USP15: variants seen among roughly 807,000 people sequenced by gnomAD.
The protein encoded by USP15 is ubiquitin specific peptidase 15.
A neutral mutation model predicts 127.1 loss-of-function variants in USP15; 18 were observed. The ratio of observed to expected loss-of-function variants is 0.14; its 90% CI spans 0.10 to 0.21. The LOEUF (loss-of-function observed/expected upper bound fraction) is 0.21. USP15 is among the 10% of genes least tolerant of loss of function. USP15 has a pLI of 1.00. For missense variants in USP15, 805 were observed against 1,159.9 expected, an observed-to-expected ratio of 0.69 and a Z score of 4.44; for synonymous variants, 364 against 393.7, an observed-to-expected ratio of 0.92 and a Z score of 0.89.
In USP15 at chr12:62,389,808, A is replaced by G. The variant is rs768861159; in HGVS notation, c.1664A>G (p.Asn555Ser). 6.8e-6 allele frequency: 11 copies of G among 1,609,214 alleles called. No individual in the cohort carries two copies. Among genetic ancestry groups the G allele is most frequent in the African/African-American group, 1.3e-5 (1 of 74,836 alleles). Residue 555 changes from asparagine (N) to serine (S), a missense_variant, in exon 14 of 22, where the codon AAC becomes AGC. Around this residue, in one of 11 missense-constraint regions of USP15, gnomAD observed 82 missense variants for 104.4 expected, o/e 0.79. Coordinates refer to ENST00000280377, the MANE Select transcript of USP15 (RefSeq NM_001252078.2). ...TTTTGTCCTTGTAGGTTTGAAATTA[A>G]CATCAATAGGACAGAAGATACAGAG... is the stretch of plus-strand genomic sequence containing the variant. ...ERDDIYVFEININRTEDTEHV... is the reference protein window; with the variant it reads ...ERDDIYVFEISINRTEDTEHV...
chr12:62,338,855 C>T (rs924582022), intron 6 of USP15, among the ~76,000 whole-genome samples: 4 of 152,234 alleles, frequency 2.6e-5, no homozygotes, highest in Non-Finnish European at 4.4e-5. Flanking sequence ...CAGTACCATG[C>T]TGTTTTGGTT....
intron 8 of USP15, among the ~76,000 whole-genome samples, chr12:62,361,853 G>T (rs2066328722): frequency 6.6e-6 from 1 of 151,982 alleles, no homozygotes; most frequent in Non-Finnish European, 1.5e-5. Context: ...ATTCTGGGCA[G>T]GGGAGAGGGT....
intron 3 of USP15, among the ~76,000 whole-genome samples, chr12:62,304,058 TA>T (rs2064403746): frequency 6.6e-6 from 1 of 151,382 alleles, no homozygotes; most frequent in East Asian, 1.9e-4. Flanking sequence ...CTAAAGGTAT[TA>T]CACTGTATTC....
At chr12:62,338,404 A>T (rs2065543416) in intron 6 of USP15, among the ~76,000 whole-genome samples, 2 of 152,094 alleles carry the variant, frequency 1.3e-5, no homozygotes, top group African/African-American at 4.8e-5. Flanking sequence ...AGATTGCAGA[A>T]ATTTTCTCCC....
intron 8 of USP15, among the ~76,000 whole-genome samples, chr12:62,373,437 G>A (rs1452522034): frequency 6.6e-6 from 1 of 151,922 alleles, no homozygotes; most frequent in Non-Finnish European, 1.5e-5. Flanking sequence ...TTTCAAAGAA[G>A]GGACAACAGT....
Position 62,389,631 on chromosome 12 carries a change from T to C in USP15, c.1584T>C (p.His528=). The change falls in exon 13 of 22, where the codon CAT becomes CAC. Residue 528 remains histidine, a synonymous_variant. Coordinates refer to ENST00000280377, the MANE Select transcript of USP15 (RefSeq NM_001252078.2). Reference sequence around the variant, plus strand: ...TGATAGTTACTGATATATACAATCATAGATTTCACAGAATATTCGCTATGG... The same window carrying C: ...TGATAGTTACTGATATATACAATCACAGATTTCACAGAATATTCGCTATGG... ...DKMIVTDIYN[H]RFHRIFAMDE... 1 of 1,613,350 alleles carries C rather than the reference T, an allele frequency of 6.2e-7. No individual in the cohort carries two copies. Among genetic ancestry groups the C allele is most frequent in the African/African-American group, 1.3e-5 (1 of 75,026 alleles).
At chr12:62,345,936 C>T (rs562094754) in intron 6 of USP15, among the ~76,000 whole-genome samples, 52 of 152,262 alleles carry the variant, frequency 3.4e-4, no homozygotes, top group Admixed American at 9.1e-4. Flanking sequence ...AATCATTTCC[C>T]ACCAGGACCC....
chr12:62,412,984 A>C lies in USP15; in HGVS notation c.*8609A>C, dbSNP rs1366709451. ...ATCTATGAAAGCTTTTGCCTTATAA[A>C]ATGTATTTCTTGGATGATAAGACTT... On this transcript the variant is annotated 3_prime_UTR_variant, in exon 22 of 22. Transcript: ENST00000280377. 6.6e-6 allele frequency: 1 copy of C among 152,184 alleles called. No individual in the cohort carries two copies. The highest frequency in any genetic ancestry group is 1.5e-5 in the Non-Finnish European group (1 of 68,034). 9.4% of individuals were successfully genotyped at this position (152,184 alleles called of 1,614,324 possible).
At chr12:62,383,812 T>A (rs371653669) in intron 9 of USP15, 28 bp from the exon 10 acceptor site, 3 of 1,603,978 alleles carry the variant, frequency 1.9e-6, no homozygotes, top group Non-Finnish European at 2.6e-6. Context: ...TTCCTAGAAC[T>A]GATTTGATGG....
chr12:62,325,962 T>G (rs766407989), intron 6 of USP15, 29 bp downstream of exon 6: 1 of 1,586,986 alleles, frequency 6.3e-7, no homozygotes, highest in East Asian at 2.3e-5. Flanking sequence ...TATGGCTTAT[T>G]GTATGATTTT....
intron 11 of USP15, among the ~76,000 whole-genome samples, chr12:62,388,705 T>C (rs913613300): frequency 2.0e-5 from 3 of 152,120 alleles, no homozygotes; most frequent in African/African-American, 7.2e-5. Flanking sequence ...TAGAAGACAG[T>C]AGGGAGCTGG....
chr12:62,310,629 A>G (rs188400205), intron 3 of USP15, among the ~76,000 whole-genome samples: 2 of 151,616 alleles, frequency 1.3e-5, no homozygotes, highest in Admixed American at 1.3e-4. Flanking sequence ...CCATTCATCC[A>G]TTGATGAGCA....
At chr12:62,290,840 A>G (rs890674173) in intron 1 of USP15, among the ~76,000 whole-genome samples, 2 of 152,126 alleles carry the variant, frequency 1.3e-5, no homozygotes, top group African/African-American at 2.4e-5. Flanking sequence ...TTTTTCTAGG[A>G]AAGACTTTAT....
chr12:62,301,962 T>G (rs1478029060), intron 2 of USP15, among the ~76,000 whole-genome samples: 1 of 152,208 alleles, frequency 6.6e-6, no homozygotes, highest in Non-Finnish European at 1.5e-5. Context: ...AGTCTCAGAT[T>G]AGGACTGTGA....
intron 1 of USP15, among the ~76,000 whole-genome samples, chr12:62,266,259 T>A (rs1295965286): frequency 6.6e-6 from 1 of 152,218 alleles, no homozygotes; most frequent in Non-Finnish European, 1.5e-5. Flanking sequence ...TAGTAAGATC[T>A]TGTAGGCTAT....
At chr12:62,293,356 G>A (rs1191232432) in intron 1 of USP15, among the ~76,000 whole-genome samples, 1 of 151,962 alleles carries the variant, frequency 6.6e-6, no homozygotes, top group Non-Finnish European at 1.5e-5. Flanking sequence ...TTATGTGTTT[G>A]TAATTTTGGT....
rs1215119097 is a variant in USP15 at position 62,401,177 on chromosome 12, T to C, written c.2675-10T>C. On this transcript the variant is annotated splice_polypyrimidine_tract_variant and intron_variant, in intron 20 of 21. Coordinates refer to ENST00000280377, the MANE Select transcript of USP15 (RefSeq NM_001252078.2). ...CATTTTCGTCACAGTGATTATATTT[T>C]TTTCATTAGATACTGCTTTTGCAAA... The C allele has an allele frequency of 6.2e-7, 1 of 1,601,824 alleles. No homozygotes were observed.
chr12:62,269,570 CACT>C (rs1488982253), intron 1 of USP15, among the ~76,000 whole-genome samples: 1 of 151,878 alleles, frequency 6.6e-6, no homozygotes, highest in Admixed American at 6.6e-5. Context: ...AGGCAAGCAC[CACT>C]GTGTCTATTT....
At chr12:62,353,368 A>G (rs966845712) in intron 7 of USP15, among the ~76,000 whole-genome samples, 1 of 152,064 alleles carries the variant, frequency 6.6e-6, no homozygotes, top group Non-Finnish European at 1.5e-5. Flanking sequence ...TGCAAAGAAG[A>G]GTAGAGCTTC....
Sources: allele counts gnomAD v4.1 joint callset (sites outside exome capture counted in the v4.1 genomes callset), GRCh38; gene constraint gnomAD v4.1.1; regional missense constraint gnomAD v4.1.1; transcripts MANE v1.5; gene names NCBI Gene and HGNC (gene_info 2026-07-23, HGNC 2026-07-21).